The following GINS1 variants were observed in gnomAD, a reference collection of about 807,000 sequenced individuals.
GINS1 encodes DNA replication complex GINS protein PSF1.
GINS1 carries 26 observed loss-of-function variants against 34.9 expected under a neutral mutation model. The observed-to-expected ratio is 0.74, with a 90% confidence interval of 0.55 to 1.03. The LOEUF (loss-of-function observed/expected upper bound fraction) is 1.03, where lower values mean the gene tolerates loss of function less well. Ranked by LOEUF, GINS1 falls within the 50% of genes least tolerant of loss-of-function variation. The pLI, the probability that GINS1 is intolerant of heterozygous loss-of-function variation, is 0.00. For synonymous variants in GINS1, 97 were observed against 84.4 expected, an observed-to-expected ratio of 1.15 and a Z score of -0.82; for missense variants, 235 against 237.9, an observed-to-expected ratio of 0.99 and a Z score of 0.08.
At chr20:25,435,119 T>G (rs2090447182) in intron 5 of GINS1, among the ~76,000 whole-genome samples, 1 of 152,212 alleles carries the variant, frequency 6.6e-6, no homozygotes, top group African/African-American at 2.4e-5. Context: ...TCACATGGGT[T>G]CAAGTTACTA....
intron 5 of GINS1, among the ~76,000 whole-genome samples, chr20:25,428,969 CTTTTTTTTTTTTTTTTTTTTTTTTTT>C (rs77113924): frequency 2.0e-4 from 25 of 127,510 alleles, no homozygotes; most frequent in Admixed American, 4.8e-4. Context: ...ATTCCTCTCT[CTTTTTTTTTTTTTTTTTTTTTTTTTT>C]TTTTTTTTTT....
chr20:25,446,709 G>A lies in GINS1; in HGVS notation c.*718G>A, dbSNP rs1351931707. ...CTGGTGTGGCTTGTGGCTATGGGGTGATCACCAGTATCACCACTTTGGAAG... is the reference window on the plus strand; with the variant it reads ...CTGGTGTGGCTTGTGGCTATGGGGTAATCACCAGTATCACCACTTTGGAAG... On this transcript the variant is annotated 3_prime_UTR_variant, in exon 7 of 7. Coordinates refer to ENST00000262460, the MANE Select transcript of GINS1 (RefSeq NM_021067.5). 6.6e-6 allele frequency: 1 copy of A among 152,224 alleles called. No homozygotes were observed. The highest frequency in any genetic ancestry group is 2.4e-5 in the African/African-American group (1 of 41,460). The allele number at this position is 152,224 out of a possible 1,614,324, so 9.4% of individuals were successfully genotyped here. A position where few individuals can be genotyped will look rare whatever the true frequency, so the allele number is the denominator to read the frequency against.
chr20:25,424,984 A>C (rs1471547463), intron 4 of GINS1, among the ~76,000 whole-genome samples: 1 of 152,194 alleles, frequency 6.6e-6, no homozygotes, highest in African/African-American at 2.4e-5. Flanking sequence ...GTATGCTGAA[A>C]TGTAAGCTCT....
intron 6 of GINS1, among the ~76,000 whole-genome samples, chr20:25,442,459 A>G (rs2090487420): frequency 6.6e-6 from 1 of 152,050 alleles, no homozygotes; most frequent in African/African-American, 2.4e-5. Context: ...GGCTCAAGCA[A>G]TCCACCTTCC....
chr20:25,416,318 T>C (rs1324167660), intron 2 of GINS1, among the ~76,000 whole-genome samples: 1 of 152,220 alleles, frequency 6.6e-6, no homozygotes, highest in Non-Finnish European at 1.5e-5. Flanking sequence ...TCCAAAATTC[T>C]TTATTCCACC....
chr20:25,437,440 A>G (rs1035858544), intron 5 of GINS1, among the ~76,000 whole-genome samples: 2 of 152,270 alleles, frequency 1.3e-5, no homozygotes, highest in Admixed American at 1.3e-4. Context: ...AGCTGCTGCT[A>G]TGCTAAGAGG....
intron 5 of GINS1, among the ~76,000 whole-genome samples, chr20:25,433,017 ATCT>A (rs1408893016): frequency 6.6e-6 from 1 of 151,898 alleles, no homozygotes; most frequent in Admixed American, 6.6e-5. Context: ...CGCATAGAAT[ATCT>A]TCTTCTACCC....
intron 4 of GINS1, among the ~76,000 whole-genome samples, chr20:25,420,216 C>T (rs192677299): frequency 6.6e-6 from 1 of 152,110 alleles, no homozygotes; most frequent in East Asian, 1.9e-4. Flanking sequence ...TCACTGAAAC[C>T]TCTGCCTCCC....
chr20:25,414,189 CAAAAA>C (rs58400500), intron 2 of GINS1, among the ~76,000 whole-genome samples: 972 of 67,660 alleles, frequency 0.014, 12 homozygotes, highest in African/African-American at 0.046. Context: ...ACTCTGTCTC[CAAAAA>C]AAAAAAAAAA....
At chr20:25,410,753 G>A (rs2090279423) in intron 1 of GINS1, among the ~76,000 whole-genome samples, 2 of 152,020 alleles carry the variant, frequency 1.3e-5, no homozygotes, top group South Asian at 2.1e-4. Flanking sequence ...AGTAGAGATG[G>A]GGTTTCACTA....
At chr20:25,420,973 CAA>C in intron 4 of GINS1, 11 of 984,174 alleles carry the variant, frequency 1.1e-5, no homozygotes, top group Non-Finnish European at 1.2e-5. Flanking sequence ...GGACCAGTAA[CAA>C]AGAATATTTC....
chr20:25,408,814 T>C (rs1446367432), intron 1 of GINS1: 1 of 563,466 alleles, frequency 1.8e-6, no homozygotes, highest in Non-Finnish European at 2.3e-6. Context: ...AGCTAGGATT[T>C]GAACCCTGGC....
At chr20:25,416,458 C>T (rs754544056) in intron 2 of GINS1, among the ~76,000 whole-genome samples, 9 of 152,090 alleles carry the variant, frequency 5.9e-5, no homozygotes, top group Admixed American at 4.6e-4. Flanking sequence ...TAGAGGCAGG[C>T]ACTACATGAA....
rs1302621858 is a variant in GINS1 at position 25,446,109 on chromosome 20, T to C, written c.*118T>C. 2 of 547,246 alleles carry C rather than the reference T, an allele frequency of 3.7e-6. No individual in the cohort carries two copies. Among genetic ancestry groups the C allele is most frequent in the Admixed American group, 3.4e-5 (1 of 29,724 alleles). 33.9% of individuals were successfully genotyped at this position (547,246 alleles called of 1,614,324 possible). On this transcript the variant is annotated 3_prime_UTR_variant, in exon 7 of 7. Coordinates refer to ENST00000262460, the MANE Select transcript of GINS1 (RefSeq NM_021067.5). ...TAGAAGCTATAGACATTGTTTAAGATAACTAAGAATACTTGGCTAAGAAGT... is the reference window on the plus strand; with the variant it reads ...TAGAAGCTATAGACATTGTTTAAGACAACTAAGAATACTTGGCTAAGAAGT...
At position 25,447,852 on chromosome 20, in the gene GINS1, AGGGTGTGGT is replaced by A. The variant is rs1180633277; in HGVS notation, c.*1864_*1872del. The stretch of plus-strand genomic sequence containing the variant: ...TTTGATGTGAAATTTGGGAACAGGC[AGGGTGTGGT>A]GGCTTATGCCTGTAATCCTAGAACT... On this transcript the variant is annotated 3_prime_UTR_variant, in exon 7 of 7. Coordinates refer to ENST00000262460, the MANE Select transcript of GINS1 (RefSeq NM_021067.5). 6 of 152,250 alleles carry A rather than the reference AGGGTGTGGT, an allele frequency of 3.9e-5. No homozygotes were observed. Among genetic ancestry groups the A allele is most frequent in the African/African-American group, 1.4e-4 (6 of 41,442 alleles). 9.4% of individuals were successfully genotyped at this position (152,250 alleles called of 1,614,324 possible). A position where few individuals can be genotyped will look rare whatever the true frequency, so the allele number is the denominator to read the frequency against.
intron 1 of GINS1, chr20:25,413,497 C>T: frequency 3.0e-6 from 1 of 336,590 alleles, no homozygotes; most frequent in Non-Finnish European, 5.4e-6. Context: ...TATATATATA[C>T]ACCTAGGAGT....
At chr20:25,443,516 T>G (rs1212891186) in intron 6 of GINS1, among the ~76,000 whole-genome samples, 2 of 149,960 alleles carry the variant, frequency 1.3e-5, no homozygotes, top group African/African-American at 2.5e-5. Context: ...CTCGCTCTTG[T>G]CCCCCAGGCT....
chr20:25,432,503 G>A (rs904860005), intron 5 of GINS1, among the ~76,000 whole-genome samples: 4 of 151,568 alleles, frequency 2.6e-5, no homozygotes, highest in Non-Finnish European at 5.9e-5. Context: ...GTCTTGCTCT[G>A]TTGTCCAGGA....
chr20:25,411,481 G>A (rs946196209), intron 1 of GINS1, among the ~76,000 whole-genome samples: 4 of 152,270 alleles, frequency 2.6e-5, no homozygotes, highest in Middle Eastern at 3.4e-3. Flanking sequence ...TCTTTCGATT[G>A]TTGGCAGACC....
Sources: allele counts gnomAD v4.1 joint callset (sites outside exome capture counted in the v4.1 genomes callset), GRCh38; gene constraint gnomAD v4.1.1; transcripts MANE v1.5; gene names NCBI Gene and HGNC (gene_info 2026-07-23, HGNC 2026-07-21).